Variants in ERC1 observed in about 807,000 individuals in gnomAD.
ERC1 encodes the protein RAB6 interacting protein 2.
In ERC1, 56 loss-of-function variants were observed where a neutral mutation model predicts 132.0. The ratio of observed to expected loss-of-function variants is 0.42; its 90% CI spans 0.34 to 0.53. The LOEUF is 0.53. ERC1 is among the 20% of genes least tolerant of loss of function. The pLI is 0.03. For missense variants in ERC1, 1,202 were observed against 1,349.9 expected (o/e 0.89, Z 1.72); for synonymous variants, 478 against 476.1 (o/e 1.00, Z -0.05).
chr12:1,380,079 A>G, intron 16 of ERC1: 1 of 152,252 alleles, frequency 6.6e-6, no homozygotes, highest in East Asian at 1.9e-4. Context: ...AGAAAAGTAC[A>G]TACTGTATGA....
intron 1 of ERC1, among the ~76,000 whole-genome samples, chr12:1,020,318 C>G (rs1030952246): frequency 1.3e-5 from 2 of 151,986 alleles, no homozygotes; most frequent in African/African-American, 4.8e-5. Context: ...TTAGCAGGGC[C>G]TGGTGGCACA....
intron 16 of ERC1, among the ~76,000 whole-genome samples, chr12:1,396,375 T>G (rs12314755): frequency 0.3 from 45,234 of 152,084 alleles, 6,929 homozygotes; most frequent in Middle Eastern, 0.35. Context: ...ACCTATCATT[T>G]TTTTGCACCA....
chr12:1,424,896 A>AGATG (rs1435823199), intron 17 of ERC1, among the ~76,000 whole-genome samples: 7 of 149,030 alleles, frequency 4.7e-5, no homozygotes, highest in African/African-American at 1.8e-4. Flanking sequence ...ATAGATAGAT[A>AGATG]GATAGATAGA....
intron 18 of ERC1, among the ~76,000 whole-genome samples, chr12:1,468,110 A>G (rs554929948): frequency 1.1e-4 from 17 of 152,336 alleles, no homozygotes; most frequent in African/African-American, 4.1e-4. Context: ...TCAACCTTTT[A>G]CAAGGATTGA....
intron 1 of ERC1, among the ~76,000 whole-genome samples, chr12:1,005,000 G>A (rs1040224360): frequency 3.9e-5 from 6 of 152,112 alleles, no homozygotes; most frequent in Admixed American, 3.3e-4. Context: ...TTCTTCTGAA[G>A]TAAGAAGAAG....
intron 18 of ERC1, among the ~76,000 whole-genome samples, chr12:1,456,869 A>G (rs1054856428): frequency 2.0e-5 from 3 of 152,078 alleles, no homozygotes; most frequent in Non-Finnish European, 1.5e-5. Context: ...CCATCCCCAT[A>G]ATTCTAATAA....
chr12:1,057,665 G>A (rs185559901), intron 2 of ERC1, among the ~76,000 whole-genome samples: 21 of 137,388 alleles, frequency 1.5e-4, no homozygotes, highest in Middle Eastern at 4.3e-3. Flanking sequence ...GCTTGATTTC[G>A]GCTCACTGCA....
intron 16 of ERC1, among the ~76,000 whole-genome samples, chr12:1,404,718 A>G (rs1300317094): frequency 1.3e-5 from 2 of 152,174 alleles, no homozygotes; most frequent in African/African-American, 2.4e-5. Flanking sequence ...GGTATATTGC[A>G]TAGTACCCTC....
intron 2 of ERC1, among the ~76,000 whole-genome samples, chr12:1,058,669 G>A (rs1408390112): frequency 6.6e-6 from 1 of 151,378 alleles, no homozygotes; most frequent in Non-Finnish European, 1.5e-5. Context: ...TATTGCTTTG[G>A]CTATTCAGGG....
In ERC1 at chr12:1,477,623, T is replaced by C. The variant is rs150558814; in HGVS notation, c.3214-12470T>C. On this transcript the variant is annotated intron_variant, in intron 18 of 18. Coordinates refer to ENST00000360905, the MANE Select transcript of ERC1 (RefSeq NM_178040.4). The stretch of plus-strand genomic sequence containing the variant: ...CTTGGGGGTCCTTGATGGGTTTTTT[T>C]CTGAAGTTTTGAAATTATAACTTGC... Among the ~76,000 whole-genome samples the C allele has an allele frequency of 6.3e-3, 959 of 152,308 alleles. 10 individuals carry two copies. The highest frequency in any genetic ancestry group is 0.022 in the African/African-American group (914 of 41,564).
At chr12:1,008,716 T>G (rs1264014914) in intron 1 of ERC1, among the ~76,000 whole-genome samples, 3 of 152,252 alleles carry the variant, frequency 2.0e-5, no homozygotes, top group Non-Finnish European at 4.4e-5. Flanking sequence ...TATTTATATC[T>G]GTAAATCATA....
chr12:1,038,347 C>T (rs774113786), intron 2 of ERC1, among the ~76,000 whole-genome samples: 7 of 151,766 alleles, frequency 4.6e-5, no homozygotes, highest in Non-Finnish European at 8.8e-5. Flanking sequence ...ATTGAATTCA[C>T]CCTTTAAAGT....
At chr12:992,296 G>A (rs1036233486) in intron 1 of ERC1, among the ~76,000 whole-genome samples, 6 of 152,148 alleles carry the variant, frequency 3.9e-5, no homozygotes, top group African/African-American at 1.4e-4. Context: ...AGTTGCAGGT[G>A]GTTGTGGTTG....
chr12:1,052,231 C>CT (rs1216718656), intron 2 of ERC1, among the ~76,000 whole-genome samples: 3 of 152,190 alleles, frequency 2.0e-5, no homozygotes, highest in Admixed American at 2.0e-4. Flanking sequence ...GGGAACAACA[C>CT]TTGAAACACT....
In ERC1 at chr12:1,445,788, C is replaced by T. The variant is rs539886062; in HGVS notation, c.3213+1038C>T. Among the ~76,000 whole-genome samples, 73 of 152,288 alleles carry T rather than the reference C, an allele frequency of 4.8e-4. 1 individual carries two copies. Among genetic ancestry groups the T allele is most frequent in the Non-Finnish European group, 8.8e-5 (6 of 68,028 alleles). ...AAGGACGATCTGTTAACATTGCCAT[C>T]GGTTATTCCATGAAGCGGTAGCCAC... On this transcript the variant is annotated intron_variant, in intron 18 of 18. Transcript: ENST00000360905.
chr12:1,375,826 C>T (rs1207785804), intron 16 of ERC1, among the ~76,000 whole-genome samples: 1 of 151,244 alleles, frequency 6.6e-6, no homozygotes, highest in African/African-American at 2.4e-5. Context: ...CAACCTCCAC[C>T]TCCTAGGTTG....
intron 18 of ERC1, among the ~76,000 whole-genome samples, chr12:1,460,981 T>A (rs74059549): frequency 1.5e-5 from 2 of 137,834 alleles, no homozygotes; most frequent in African/African-American, 5.8e-5. Flanking sequence ...TTTTTTTTTT[T>A]CATTTTTCTA....
At chr12:1,299,914 C>T (rs114732082) in intron 15 of ERC1, among the ~76,000 whole-genome samples, 1,595 of 152,220 alleles carry the variant, frequency 0.01, 27 homozygotes, top group African/African-American at 0.036. Flanking sequence ...TTTATTAAAA[C>T]TGGCTCAAGA....
intron 16 of ERC1, among the ~76,000 whole-genome samples, chr12:1,401,746 G>T (rs563793202): frequency 7.6e-6 from 1 of 131,238 alleles, no homozygotes; most frequent in African/African-American, 3.3e-5. Context: ...AAGGGAGGGC[G>T]GTAAAAAAAA....
Sources: allele counts gnomAD v4.1 joint callset (sites outside exome capture counted in the v4.1 genomes callset), GRCh38; gene constraint gnomAD v4.1.1; transcripts MANE v1.5; gene names NCBI Gene and HGNC (gene_info 2026-07-23, HGNC 2026-07-21).